Variants in CDH7 observed in about 807,000 individuals in gnomAD.
CDH7 encodes the protein cadherin 7, also known as cadherin-7.
CDH7 carries 25 observed loss-of-function variants against 71.8 expected under a neutral mutation model. The observed-to-expected ratio is 0.35, with a 90% CI of 0.25 to 0.49. The LOEUF (loss-of-function observed/expected upper bound fraction) is 0.49. CDH7 is among the 20% of genes least tolerant of loss of function. The pLI is 0.99. For missense variants in CDH7, 862 were observed against 974.6 expected (o/e 0.88, Z 1.54); for synonymous variants, 381 against 363.8 (o/e 1.05, Z -0.54).
intron 2 of CDH7, among the ~76,000 whole-genome samples, chr18:65,776,401 C>CACACACACAGAG (rs1370490839): frequency 1.8e-4 from 22 of 124,676 alleles, no homozygotes; most frequent in African/African-American, 7.5e-4. Context: ...CACACACACA[C>CACACACACAGAG]AGAGAGAGAG....
chr18:65,828,237 T>C (rs1365041364), intron 6 of CDH7, among the ~76,000 whole-genome samples: 2 of 152,058 alleles, frequency 1.3e-5, no homozygotes, highest in African/African-American at 4.8e-5. Context: ...AAATAATTTA[T>C]GTAAGAGTTG....
chr18:65,874,873 A>T (rs1286922669), intron 11 of CDH7, among the ~76,000 whole-genome samples: 1 of 152,096 alleles, frequency 6.6e-6, no homozygotes, highest in African/African-American at 2.4e-5. Flanking sequence ...GCATTCTGAC[A>T]TTTGCAAGCA....
In CDH7 at chr18:65,809,832, G is replaced by GGAGCAGGCCT; in HGVS notation, c.340_349dup (p.Tyr117Ter). On this transcript the variant is annotated frameshift_variant, in exon 3 of 12. Coordinates refer to ENST00000397968, the MANE Select transcript of CDH7 (RefSeq NM_004361.5). LOFTEE classifies it high-confidence loss of function. The stretch of plus-strand genomic sequence containing the variant: ...ATGCCACCAAGAGACTGGATCGTGA[G>GGAGCAGGCCT]GAGCAGGCCTACTACACGCTCCGAG... 1 of 1,614,056 alleles carries GGAGCAGGCCT rather than the reference G, an allele frequency of 6.2e-7. No individual in the cohort carries two copies. Among genetic ancestry groups the GGAGCAGGCCT allele is most frequent in the Non-Finnish European group, 8.5e-7 (1 of 1,179,994 alleles).
chr18:65,777,116 A>C (rs572217492), intron 2 of CDH7, among the ~76,000 whole-genome samples: 6 of 152,256 alleles, frequency 3.9e-5, no homozygotes, highest in South Asian at 4.1e-4. Context: ...ACCAGAAGAA[A>C]AATGAAGATC....
chr18:65,778,544 T>G (rs1049554616), intron 2 of CDH7, among the ~76,000 whole-genome samples: 1 of 149,430 alleles, frequency 6.7e-6, no homozygotes, highest in East Asian at 1.9e-4. Flanking sequence ...TTTTTTTTTT[T>G]TTTTTACATA....
chr18:65,822,299 T>A (rs1911964858), intron 5 of CDH7, 51 bp downstream of exon 5: 10 of 1,387,626 alleles, frequency 7.2e-6, no homozygotes, highest in Non-Finnish European at 1.0e-5. Flanking sequence ...CCTGAAAGTC[T>A]ATAAAATACA....
At chr18:65,848,721 G>T (rs2144004425) in intron 7 of CDH7, among the ~76,000 whole-genome samples, 1 of 152,190 alleles carries the variant, frequency 6.6e-6, no homozygotes, top group Non-Finnish European at 1.5e-5. Flanking sequence ...TTACAAATAA[G>T]ATCAGATATG....
intron 2 of CDH7, among the ~76,000 whole-genome samples, chr18:65,805,514 G>A (rs1281675266): frequency 1.3e-5 from 2 of 152,194 alleles, no homozygotes; most frequent in Non-Finnish European, 2.9e-5. Context: ...TGCTGAAAAG[G>A]CCAAAGAAGG....
At chr18:65,839,150 G>A (rs1912637918) in intron 6 of CDH7, among the ~76,000 whole-genome samples, 2 of 152,014 alleles carry the variant, frequency 1.3e-5, no homozygotes, top group Non-Finnish European at 2.9e-5. Context: ...TGGGCTTTTT[G>A]GACTTTTACT....
intron 6 of CDH7, among the ~76,000 whole-genome samples, chr18:65,833,501 T>C (rs375794177): frequency 3.9e-4 from 60 of 152,296 alleles, no homozygotes; most frequent in African/African-American, 1.4e-3. Context: ...TGCTCTCATT[T>C]GACTGTAAAA....
intron 1 of CDH7, among the ~76,000 whole-genome samples, chr18:65,758,156 C>T (rs1916085765): frequency 6.6e-6 from 1 of 152,146 alleles, no homozygotes; most frequent in Non-Finnish European, 1.5e-5. Flanking sequence ...AGAGGTTATA[C>T]AGTGTGTGAG....
chr18:65,846,936 C>A (rs1470546343), intron 7 of CDH7, among the ~76,000 whole-genome samples: 1 of 152,052 alleles, frequency 6.6e-6, no homozygotes, highest in African/African-American at 2.4e-5. Context: ...TGTTTCCATG[C>A]CATTTTAATT....
chr18:65,837,062 C>T (rs1279497486), intron 6 of CDH7, among the ~76,000 whole-genome samples: 2 of 152,106 alleles, frequency 1.3e-5, no homozygotes, highest in African/African-American at 4.8e-5. Flanking sequence ...CTAGGTAGAA[C>T]ATAGTATTTA....
At chr18:65,793,946 A>T (rs373163747) in intron 2 of CDH7, among the ~76,000 whole-genome samples, 25 of 152,084 alleles carry the variant, frequency 1.6e-4, no homozygotes, top group African/African-American at 5.8e-4. Flanking sequence ...GATGCATTTG[A>T]TTGTAGGAAA....
At chr18:65,816,200 T>G (rs1911718656) in intron 4 of CDH7, among the ~76,000 whole-genome samples, 1 of 152,178 alleles carries the variant, frequency 6.6e-6, no homozygotes, top group Non-Finnish European at 1.5e-5. Context: ...TAGTTTTTTT[T>G]TTAATGCTGT....
intron 1 of CDH7, among the ~76,000 whole-genome samples, chr18:65,761,028 G>C (rs1458849417): frequency 2.0e-5 from 3 of 152,142 alleles, no homozygotes; most frequent in Non-Finnish European, 4.4e-5. Flanking sequence ...GGCCCTCTAG[G>C]GTGGTTTCTA....
At chr18:65,813,912 T>G (rs1485267276) in intron 3 of CDH7, among the ~76,000 whole-genome samples, 1 of 152,198 alleles carries the variant, frequency 6.6e-6, no homozygotes. Context: ...TTTCCTGTTT[T>G]GTTTTTAGAT....
At chr18:65,782,443 G>C (rs2143837635) in intron 2 of CDH7, among the ~76,000 whole-genome samples, 1 of 152,100 alleles carries the variant, frequency 6.6e-6, no homozygotes, top group South Asian at 2.1e-4. Context: ...CAGGCATGAG[G>C]CACCTCACTC....
chr18:65,751,342 G>A (rs1230828896), intron 1 of CDH7, among the ~76,000 whole-genome samples, 192 bp downstream of exon 1: 1 of 152,252 alleles, frequency 6.6e-6, no homozygotes, highest in African/African-American at 2.4e-5. Context: ...GGACAGGCTT[G>A]TGGACGGAGG....
Sources: allele counts gnomAD v4.1 joint callset (sites outside exome capture counted in the v4.1 genomes callset), GRCh38; gene constraint gnomAD v4.1.1; transcripts MANE v1.5; gene names NCBI Gene and HGNC (gene_info 2026-07-23, HGNC 2026-07-21).